The following RYR3 variants were observed in gnomAD, a reference collection of about 807,000 sequenced individuals.
RYR3 encodes brain ryanodine receptor-calcium release channel.
Under a neutral mutation model 584.3 loss-of-function variants are expected in RYR3, and 207 were observed. That is an observed-to-expected ratio of 0.35 (90% CI 0.32 to 0.40). The LOEUF is 0.40. Ranked by LOEUF, RYR3 falls within the 10% of genes least tolerant of loss-of-function variation. The probability of loss-of-function intolerance (pLI) is 1.00; values close to 1 mark genes in which losing one functional copy is unlikely to be tolerated. For synonymous variants in RYR3, 2,416 were observed against 2,248.5 expected (o/e 1.07, Z -2.11); for missense variants, 5,616 against 6,089.2 (o/e 0.92, Z 2.59).
At chr15:33,842,868 G>C (rs2078461654) in intron 91 of RYR3, among the ~76,000 whole-genome samples, 1 of 152,186 alleles carries the variant, frequency 6.6e-6, no homozygotes, top group South Asian at 2.1e-4. Context: ...TCAAGGCAAG[G>C]CTCGAGTCCT....
intron 1 of RYR3, among the ~76,000 whole-genome samples, chr15:33,364,446 C>G (rs1975196180): frequency 1.3e-5 from 2 of 152,224 alleles, no homozygotes; most frequent in Admixed American, 1.3e-4. Flanking sequence ...TGTTCCCCAT[C>G]TATCCCTTTC....
In RYR3 at chr15:33,660,439, G is replaced by C; in HGVS notation, c.4622+16G>C. 1 of 1,516,536 alleles carries C rather than the reference G, an allele frequency of 6.6e-7. No homozygotes were observed. Among genetic ancestry groups the C allele is most frequent in the South Asian group, 1.2e-5 (1 of 80,152 alleles). The allele number at this position is 1,516,536 out of a possible 1,614,324, so 93.9% of individuals were successfully genotyped here. A position where few individuals can be genotyped will look rare whatever the true frequency, so the allele number is the denominator to read the frequency against. ...AGGAGAACAGGTACCAGAGGGGCCC[G>C]CGAAGGAAGGGGCAGGCCTGAGGGG... On this transcript the variant is annotated intron_variant, in intron 34 of 103. Transcript: ENST00000634891.
At chr15:33,647,491 T>G in intron 30 of RYR3, 31 bp downstream of exon 30, 1 of 1,531,998 alleles carries the variant, frequency 6.5e-7, no homozygotes, top group Non-Finnish European at 9.0e-7. Flanking sequence ...ATGGTTTTAA[T>G]TATTTGATTC....
chr15:33,474,287 G>A (rs1011381752), intron 2 of RYR3, among the ~76,000 whole-genome samples: 10 of 152,218 alleles, frequency 6.6e-5, no homozygotes, highest in Non-Finnish European at 1.3e-4. Flanking sequence ...GTGAGTGCGT[G>A]AGTGGGTAGG....
At chr15:33,435,285 T>C (rs1429840832) in intron 1 of RYR3, among the ~76,000 whole-genome samples, 1 of 152,156 alleles carries the variant, frequency 6.6e-6, no homozygotes, top group Admixed American at 6.5e-5. Context: ...ATAATTTTTA[T>C]ATAGATGTGT....
chr15:33,598,922 G>C (rs1253839291), intron 16 of RYR3, among the ~76,000 whole-genome samples: 1 of 152,136 alleles, frequency 6.6e-6, no homozygotes, highest in African/African-American at 2.4e-5. Context: ...AGGCGTGGTG[G>C]CAGGTGCCTG....
intron 60 of RYR3, among the ~76,000 whole-genome samples, chr15:33,760,774 C>T (rs1367294785): frequency 2.0e-5 from 3 of 152,176 alleles, no homozygotes; most frequent in Admixed American, 2.0e-4. Context: ...CAGAACTCTC[C>T]ACCCCAAATC....
chr15:33,769,199 GT>G, intron 62 of RYR3, 27 bp downstream of exon 62: 1 of 1,545,000 alleles, frequency 6.5e-7, no homozygotes, highest in Non-Finnish European at 8.9e-7. Context: ...TTTCCCAATA[GT>G]TTCTCATGAC....
chr15:33,772,910 C>T (rs1006626524), intron 63 of RYR3, among the ~76,000 whole-genome samples: 8 of 152,142 alleles, frequency 5.3e-5, no homozygotes, highest in Admixed American at 1.3e-4. Context: ...AAAGTAGTCC[C>T]GGCCTTGGTA....
rs1597154286 is a variant in RYR3 at position 33,865,469 on chromosome 15, T to C, written c.*243T>C. 2 of 450,080 alleles carry C rather than the reference T, an allele frequency of 4.4e-6. No homozygotes were observed. Among genetic ancestry groups the C allele is most frequent in the Non-Finnish European group, 7.9e-6 (2 of 252,934 alleles). The allele number at this position is 450,080 out of a possible 1,614,324, so 27.9% of individuals were successfully genotyped here. On this transcript the variant is annotated 3_prime_UTR_variant, in exon 104 of 104. Transcript: ENST00000634891. ...GGAAGGCGAAGAATCAAGTAATCTC[T>C]AGGCAAATGCCTTCAAGTTTTCCAG... is the stretch of plus-strand genomic sequence containing the variant.
At chr15:33,550,746 AG>A in intron 10 of RYR3, among the ~76,000 whole-genome samples, 1 of 148,822 alleles carries the variant, frequency 6.7e-6, no homozygotes, top group South Asian at 2.1e-4. Flanking sequence ...AACAAAAAAA[AG>A]ATTTAAATGT....
At chr15:33,561,387 TAGG>T (rs1415390938) in intron 10 of RYR3, among the ~76,000 whole-genome samples, 5 of 152,098 alleles carry the variant, frequency 3.3e-5, no homozygotes, top group East Asian at 1.9e-4. Context: ...TAGTTTAGAG[TAGG>T]AGAAGAGTGC....
At position 33,311,635 on chromosome 15, in the gene RYR3, G is replaced by A. The variant is rs1321546201; in HGVS notation, c.51+539G>A. ...CTTGGTCCTAGCCCTGGGATCGCTC[G>A]GAGGGGAATTCACCCAGCGCTGCCC... On this transcript the variant is annotated intron_variant, in intron 1 of 103. Coordinates refer to ENST00000634891, the MANE Select transcript of RYR3 (RefSeq NM_001036.6). The surrounding 1 kb of genome is among the most constrained non-coding windows in gnomAD (Gnocchi z 4.4). Among the ~76,000 whole-genome samples, 1 of 152,218 alleles carries A rather than the reference G, an allele frequency of 6.6e-6. No individual in the cohort carries two copies. Among genetic ancestry groups the A allele is most frequent in the African/African-American group, 2.4e-5 (1 of 41,468 alleles).
chr15:33,714,362 T>C (rs2067335501), intron 43 of RYR3, among the ~76,000 whole-genome samples: 1 of 152,246 alleles, frequency 6.6e-6, no homozygotes, highest in Admixed American at 6.5e-5. Flanking sequence ...TTGTAGTAAA[T>C]CTTCTTAAAT....
At chr15:33,323,795 C>T (rs1457583374) in intron 1 of RYR3, among the ~76,000 whole-genome samples, 1 of 152,078 alleles carries the variant, frequency 6.6e-6, no homozygotes, top group Admixed American at 6.5e-5. Context: ...TTGACTGTCC[C>T]CTGGGCTTTG....
intron 59 of RYR3, 49 bp downstream of exon 59, chr15:33,756,422 C>G (rs1451208863): frequency 7.4e-7 from 1 of 1,346,674 alleles, no homozygotes; most frequent in Non-Finnish European, 1.0e-6. Context: ...AGGATCTCTA[C>G]TATTTAGGAA....
chr15:33,425,907 G>A (rs1177562724), intron 1 of RYR3, among the ~76,000 whole-genome samples: 2 of 152,098 alleles, frequency 1.3e-5, no homozygotes, highest in Non-Finnish European at 2.9e-5. Context: ...CTCCCAAAGT[G>A]CTCGGATTAC....
At chr15:33,349,788 C>T (rs1262048212) in intron 1 of RYR3, among the ~76,000 whole-genome samples, 5 of 138,794 alleles carry the variant, frequency 3.6e-5, no homozygotes, top group African/African-American at 1.3e-4. Flanking sequence ...TGTTCCCCTT[C>T]CTGTGTCCAT....
At chr15:33,780,158 A>G (rs947551511) in intron 64 of RYR3, 53 bp from the exon 65 acceptor site, 2 of 1,595,944 alleles carry the variant, frequency 1.3e-6, no homozygotes, top group East Asian at 2.2e-5. Flanking sequence ...CTGCCAATGC[A>G]TGGGGCCAGC....
Sources: allele counts gnomAD v4.1 joint callset (sites outside exome capture counted in the v4.1 genomes callset), GRCh38; gene constraint gnomAD v4.1.1; non-coding constraint Gnocchi (gnomAD v3.1); transcripts MANE v1.5; gene names NCBI Gene and HGNC (gene_info 2026-07-23, HGNC 2026-07-21).